SLC22A25: variants seen among roughly 807,000 people sequenced by gnomAD.
SLC22A25 encodes the protein MGI:2442751, MGI:2385316, MGI:3042283, MGI:3645714, MGI:3605624, MGI:2442750.
Under a neutral mutation model 45.9 loss-of-function variants are expected in SLC22A25, and 44 were observed. The observed-to-expected ratio is 0.96, with a 90% CI of 0.75 to 1.23. The LOEUF is 1.23. SLC22A25 is among the 50% of genes most tolerant of loss of function. The pLI, the probability that SLC22A25 is intolerant of heterozygous loss-of-function variation, is 0.00. For synonymous variants in SLC22A25, 283 were observed against 238.6 expected, an observed-to-expected ratio of 1.19 and a Z score of -1.72; for missense variants, 800 against 666.4, an observed-to-expected ratio of 1.20 and a Z score of -2.21.
At chr11:63,220,063 A>G (rs759715594) in intron 5 of SLC22A25, 416 of 1,211,602 alleles carry the variant, frequency 3.4e-4, no homozygotes, top group Non-Finnish European at 4.2e-4. Flanking sequence ...AGGGTACCCC[A>G]AACTTCTCAT....
At chr11:63,212,598 A>C (rs1365055953) in intron 7 of SLC22A25, among the ~76,000 whole-genome samples, 1 of 143,974 alleles carries the variant, frequency 6.9e-6, no homozygotes, top group Non-Finnish European at 1.5e-5. Flanking sequence ...GTTCTCACTT[A>C]TAGGTGGGAA....
rs1377400496 is a variant in SLC22A25, at chr11:63,238,877, A to G, written c.-737T>C. The G allele has an allele frequency of 4.1e-6, 1 of 242,628 alleles. No homozygotes were observed. The highest frequency in any genetic ancestry group is 7.5e-5 in the South Asian group (1 of 13,398). The allele number at this position is 242,628 out of a possible 1,614,324, so 15.0% of individuals were successfully genotyped here. On this transcript the variant is annotated 5_prime_UTR_variant, in exon 2 of 12. Coordinates refer to ENST00000306494, the MANE Select transcript of SLC22A25 (RefSeq NM_199352.6). Reference sequence around the variant, plus strand: ...CAACGTTTCTGTGGCCTCAGGTTTGAGTCCAGTGAGATAGAGATTCTCAGG... The same window carrying G: ...CAACGTTTCTGTGGCCTCAGGTTTGGGTCCAGTGAGATAGAGATTCTCAGG...
intron 8 of SLC22A25, 40 bp from the exon 9 acceptor site, chr11:63,180,815 C>T: frequency 1.4e-6 from 2 of 1,467,882 alleles, no homozygotes; most frequent in Non-Finnish European, 1.9e-6. Flanking sequence ...TCAGTTGTCA[C>T]AAAATGGTAG....
intron 7 of SLC22A25, among the ~76,000 whole-genome samples, chr11:63,211,995 A>G (rs1361260787): frequency 6.6e-6 from 1 of 152,168 alleles, no homozygotes; most frequent in Non-Finnish European, 1.5e-5. Flanking sequence ...ACCCCATCAA[A>G]AAGTGGGCGA....
At chr11:63,195,832 T>G (rs986891791) in intron 7 of SLC22A25, among the ~76,000 whole-genome samples, 15 of 151,556 alleles carry the variant, frequency 9.9e-5, no homozygotes, top group African/African-American at 3.2e-4. Context: ...TTTGAAAAGA[T>G]CAACAAAATA....
rs111250726 is a variant in SLC22A25, at chr11:63,167,977, G to A, written c.1071-1719C>T. On this transcript the variant is annotated intron_variant, in intron 9 of 11. Transcript: ENST00000306494. ...AAGCTTCCAGAGGAAGGAGCAGGCA[G>A]GAATCTTTGCTGTTCTGCAACCTCC... The A allele has an allele frequency of 3.4e-3, 1,326 of 392,774 alleles. 23 individuals are homozygous for A. Among genetic ancestry groups the A allele is most frequent in the African/African-American group, 0.027 (1,228 of 46,314 alleles). The allele number at this position is 392,774 out of a possible 1,614,324, so 24.3% of individuals were successfully genotyped here.
At chr11:63,235,675 T>C (rs1590922518) in intron 3 of SLC22A25, among the ~76,000 whole-genome samples, 1 of 152,368 alleles carries the variant, frequency 6.6e-6, no homozygotes, top group East Asian at 1.9e-4. Flanking sequence ...AGCTTTGTTC[T>C]GTTGCTGGTG....
intron 5 of SLC22A25, among the ~76,000 whole-genome samples, chr11:63,220,823 A>T (rs1260748520): frequency 6.6e-6 from 1 of 152,150 alleles, no homozygotes; most frequent in Non-Finnish European, 1.5e-5. Flanking sequence ...CTCTATGTCC[A>T]TGAGTTTAAT....
rs73501609 is a variant in SLC22A25 at position 63,236,895 on chromosome 11, G to A, written c.-445+986C>T. ...CTTCTAACTATCTACCGGTTCCCCT[G>A]TCTGGGCTGTGGCTCCCTTGTATCC... On this transcript the variant is annotated intron_variant, in intron 3 of 11. Coordinates refer to ENST00000306494, the MANE Select transcript of SLC22A25 (RefSeq NM_199352.6). Among the ~76,000 whole-genome samples the A allele has an allele frequency of 8.4e-3, 1,282 of 152,186 alleles. 27 individuals carry two copies. The highest frequency in any genetic ancestry group is 0.029 in the African/African-American group (1,218 of 41,498).
At chr11:63,192,805 C>T (rs955741281) in intron 7 of SLC22A25, among the ~76,000 whole-genome samples, 4 of 152,322 alleles carry the variant, frequency 2.6e-5, no homozygotes, top group African/African-American at 7.2e-5. Flanking sequence ...AATATGTATG[C>T]ATCCAATGCA....
At chr11:63,230,538 G>C (rs2090047622) in intron 3 of SLC22A25, among the ~76,000 whole-genome samples, 1 of 152,100 alleles carries the variant, frequency 6.6e-6, no homozygotes, top group Non-Finnish European at 1.5e-5. Context: ...AAGAATTGCA[G>C]ACAAAATATA....
chr11:63,226,375 A>C (rs1322736026), intron 5 of SLC22A25, among the ~76,000 whole-genome samples: 1 of 152,226 alleles, frequency 6.6e-6, no homozygotes, highest in Non-Finnish European at 1.5e-5. Flanking sequence ...GGGGCCTCCA[A>C]ACATAGTAAT....
At position 63,189,889 on chromosome 11, in the gene SLC22A25, T is replaced by C. The variant is rs61928139; in HGVS notation, c.831-6072A>G. Among the ~76,000 whole-genome samples, 709 of 152,374 alleles carry C rather than the reference T, an allele frequency of 4.7e-3. 3 individuals carry two copies. Among genetic ancestry groups the C allele is most frequent in the Non-Finnish European group, 8.2e-3 (558 of 68,040 alleles). On this transcript the variant is annotated intron_variant, in intron 7 of 11. Coordinates refer to ENST00000306494, the MANE Select transcript of SLC22A25 (RefSeq NM_199352.6). Reference sequence around the variant, plus strand: ...ATATTGGCCCCCACTCTCTTCTGGCTTGTAGAGTTTCTGCCGACAGATCAG... The same window carrying C: ...ATATTGGCCCCCACTCTCTTCTGGCCTGTAGAGTTTCTGCCGACAGATCAG...
chr11:63,227,750 C>T (rs2134836856), intron 5 of SLC22A25, among the ~76,000 whole-genome samples: 1 of 152,356 alleles, frequency 6.6e-6, no homozygotes, highest in East Asian at 1.9e-4. Context: ...GTGGCCTACA[C>T]AGTCTTTCAA....
chr11:63,217,743 A>G lies in SLC22A25; in HGVS notation c.507-8T>C. On this transcript the variant is annotated splice_region_variant and splice_polypyrimidine_tract_variant and intron_variant, in intron 5 of 11. Coordinates refer to ENST00000306494, the MANE Select transcript of SLC22A25 (RefSeq NM_199352.6). ...ACGAACTTTCTCCCAAACCTGAGAAACAGGGGCACATTAGATAATGGGAAC... is the reference window on the plus strand; with the variant it reads ...ACGAACTTTCTCCCAAACCTGAGAAGCAGGGGCACATTAGATAATGGGAAC... 1 of 1,598,914 alleles carries G rather than the reference A, an allele frequency of 6.3e-7. No individual in the cohort carries two copies. The highest frequency in any genetic ancestry group is 8.5e-7 in the Non-Finnish European group (1 of 1,175,564).
intron 9 of SLC22A25, among the ~76,000 whole-genome samples, chr11:63,169,790 C>T (rs2087814683): frequency 6.6e-6 from 1 of 152,172 alleles, no homozygotes; most frequent in Admixed American, 6.5e-5. Flanking sequence ...AGGACTTGAA[C>T]TCAACTCTGG....
intron 7 of SLC22A25, among the ~76,000 whole-genome samples, chr11:63,194,586 A>G (rs1232508401): frequency 6.6e-6 from 1 of 152,164 alleles, no homozygotes; most frequent in Admixed American, 6.5e-5. Context: ...GAAAGGAACA[A>G]CGGGTATCAG....
At chr11:63,219,056 A>T (rs1207796729) in intron 5 of SLC22A25, among the ~76,000 whole-genome samples, 1 of 152,252 alleles carries the variant, frequency 6.6e-6, no homozygotes, top group African/African-American at 2.4e-5. Context: ...AGCTTAATAT[A>T]GAAAAAGACA....
intron 3 of SLC22A25, among the ~76,000 whole-genome samples, chr11:63,233,185 A>G (rs1448015618): frequency 6.6e-6 from 1 of 152,046 alleles, no homozygotes; most frequent in Non-Finnish European, 1.5e-5. Context: ...TTTTCTATTG[A>G]TTGTAGTACT....
Sources: allele counts gnomAD v4.1 joint callset (sites outside exome capture counted in the v4.1 genomes callset), GRCh38; gene constraint gnomAD v4.1.1; transcripts MANE v1.5; gene names NCBI Gene and HGNC (gene_info 2026-07-23, HGNC 2026-07-21).